The following SH3BP1 variants were observed in gnomAD, a reference collection of about 807,000 sequenced individuals.
The protein encoded by SH3BP1 is SH3 domain binding protein 1.
In SH3BP1, 46 loss-of-function variants were observed where a neutral mutation model predicts 69.8. The observed-to-expected ratio is 0.66, with a 90% confidence interval of 0.52 to 0.84. The LOEUF (loss-of-function observed/expected upper bound fraction) is 0.84. SH3BP1 is among the 40% of genes least tolerant of loss of function. The pLI is 0.00. For missense variants in SH3BP1, 868 were observed against 930.9 expected, an observed-to-expected ratio of 0.93 and a Z score of 0.88; for synonymous variants, 403 against 378.0, an observed-to-expected ratio of 1.07 and a Z score of -0.77.
At chr22:37,644,776 C>T in intron 8 of SH3BP1, 71 bp downstream of exon 8, 1 of 1,604,356 alleles carries the variant, frequency 6.2e-7, no homozygotes, top group East Asian at 2.2e-5. Flanking sequence ...GCCACTGGGG[C>T]TCTAAGATGG....
At chr22:37,641,266 G>C in intron 2 of SH3BP1, 98 bp downstream of exon 2, 1 of 1,514,100 alleles carries the variant, frequency 6.6e-7, no homozygotes, top group Non-Finnish European at 9.0e-7. Flanking sequence ...CCTGGGTTGA[G>C]TCATTCCTCA....
At position 37,650,740 on chromosome 22, in the gene SH3BP1, G is replaced by C. The variant is rs373222502; in HGVS notation, c.1598+15G>C. 6.3e-7 allele frequency: 1 copy of C among 1,587,300 alleles called. No homozygotes were observed. The highest frequency in any genetic ancestry group is 1.8e-5 in the Admixed American group (1 of 57,076). Reference sequence around the variant, plus strand: ...ACCAAGGAAAGGTGAGGACTGAGGGGCTTGAATGGCTCCTGTGGTACTCCC... The same window carrying C: ...ACCAAGGAAAGGTGAGGACTGAGGGCCTTGAATGGCTCCTGTGGTACTCCC... On this transcript the variant is annotated intron_variant, in intron 16 of 17. Coordinates refer to ENST00000649765, the MANE Select transcript of SH3BP1 (RefSeq NM_018957.6).
In SH3BP1 at chr22:37,655,470, C is replaced by G; in HGVS notation, c.1892C>G (p.Ala631Gly). 1.5e-6 allele frequency: 2 copies of G among 1,374,482 alleles called. No individual in the cohort carries two copies. Among genetic ancestry groups the G allele is most frequent in the South Asian group, 1.3e-5 (1 of 75,628 alleles). 85.1% of individuals were successfully genotyped at this position (1,374,482 alleles called of 1,614,324 possible). ...PPLPPTPPQP[A>G]RRQSRRSPAS... The stretch of plus-strand genomic sequence containing the variant: ...TTACCCCCCACACCCCCTCAGCCTG[C>G]CCGGCGCCAAAGCCGGCGTTCACCA... The change falls in exon 18 of 18, where the codon GCC becomes GGC. Residue 631 changes from alanine to glycine, a missense_variant. Transcript: ENST00000649765.
At chr22:37,647,173 C>A in intron 11 of SH3BP1, 94 bp from the exon 12 acceptor site, 1 of 1,109,714 alleles carries the variant, frequency 9.0e-7, no homozygotes. Context: ...GACCTAGACA[C>A]GTTAGTGTGA....
At position 37,655,282 on chromosome 22, in the gene SH3BP1, G is replaced by C; in HGVS notation, c.1704G>C (p.Pro568=). ...VEDMARRTKR[P]APARPTMPPP... is the part of the protein sequence containing the mutation. The stretch of plus-strand genomic sequence containing the variant: ...TTCCTTCCTCAACAGCCAAGCGCCC[G>C]GCGCCAGCCCGGCCCACCATGCCGC... The change falls in exon 18 of 18, where the codon CCG becomes CCC. Residue 568 remains proline (P), a synonymous_variant. Coordinates refer to ENST00000649765, the MANE Select transcript of SH3BP1 (RefSeq NM_018957.6). 1 of 1,581,432 alleles carries C rather than the reference G, an allele frequency of 6.3e-7. No individual in the cohort carries two copies. The highest frequency in any genetic ancestry group is 8.6e-7 in the Non-Finnish European group (1 of 1,166,432).
intron 4 of SH3BP1, 73 bp from the exon 5 acceptor site, chr22:37,642,822 G>A: frequency 6.3e-7 from 1 of 1,590,850 alleles, no homozygotes; most frequent in Non-Finnish European, 8.6e-7. Flanking sequence ...TGAGGGAGGA[G>A]AGGCCCCACC....
chr22:37,641,102 C>G lies in SH3BP1; in HGVS notation c.60-24C>G, dbSNP rs773038001. ...GCAGGCTCAGCAGAAGCACTCTCCC[C>G]CCCCCCCCCACCACTCCCCGCAGCA... On this transcript the variant is annotated intron_variant, in intron 1 of 17. Transcript: ENST00000649765. 37 of 1,227,164 alleles carry G rather than the reference C, an allele frequency of 3.0e-5. 3 individuals carry two copies. The Admixed American group carries it at 3.5e-4, about 12-fold the overall frequency. The allele number at this position is 1,227,164 out of a possible 1,614,324, so 76.0% of individuals were successfully genotyped here.
At chr22:37,640,018 G>A (rs1456331064) in intron 1 of SH3BP1, among the ~76,000 whole-genome samples, 172 bp downstream of exon 1, 1 of 152,232 alleles carries the variant, frequency 6.6e-6, no homozygotes, top group African/African-American at 2.4e-5. Flanking sequence ...CCCGTCTCTC[G>A]GGCAGAGCTG....
In SH3BP1 at chr22:37,655,404, T is replaced by C; in HGVS notation, c.1826T>C (p.Leu609Pro). 2.5e-6 allele frequency: 3 copies of C among 1,207,530 alleles called. No individual in the cohort carries two copies. The highest frequency in any genetic ancestry group is 2.2e-6 in the Non-Finnish European group (2 of 926,810). 74.8% of individuals were successfully genotyped at this position (1,207,530 alleles called of 1,614,324 possible). ...PGTPQALPRR[L>P]VGSSLRAPTV... ...ACCCCCCAAGCCCTGCCCCGACGTC[T>C]GGTTGGCAGCAGCCTCCGAGCCCCC... Residue 609 changes from leucine to proline, a missense_variant, in exon 18 of 18, where the codon CTG (leucine) becomes CCG (proline). Around this residue, in one of 3 missense-constraint regions of SH3BP1, gnomAD observed 474 missense variants for 462.3 expected, o/e 1.03. Transcript: ENST00000649765.
intron 16 of SH3BP1, 126 bp downstream of exon 16, chr22:37,650,851 C>G (rs1932866315): frequency 1.6e-6 from 2 of 1,273,642 alleles, no homozygotes; most frequent in African/African-American, 1.5e-5. Flanking sequence ...ATCCCAAAGA[C>G]CGGATCTCCT....
chr22:37,642,997 G>T lies in SH3BP1; in HGVS notation c.387G>T (p.Arg129Ser). ...LERDVLQPLS[R>S]LSEEELPAIL... ...GGGACGTCCTGCAGCCACTCAGCAG[G>T]CTGAGTGAGGTGAGCCTGTGCCCTG... Residue 129 changes from arginine (R) to serine (S), a missense_variant, in exon 5 of 18, where the codon AGG (arginine) becomes AGT (serine). By Grantham distance (110) the Arg-to-Ser change is moderately radical. Around this residue, in one of 3 missense-constraint regions of SH3BP1, gnomAD observed 387 missense variants for 447.9 expected, o/e 0.86. Transcript: ENST00000649765. 1 of 1,612,972 alleles carries T rather than the reference G, an allele frequency of 6.2e-7. No individual in the cohort carries two copies. Among genetic ancestry groups the T allele is most frequent in the South Asian group, 1.1e-5 (1 of 91,082 alleles).
rs745675778 is a variant in SH3BP1, at chr22:37,645,346, ATC to A, written c.779-17_779-16del. Reference sequence around the variant, plus strand: ...GGGGTGGGAAGGCCCTGGGCCGCTGATCTGTTTCATCCCTGCAGACCACTCCC... The same window carrying A: ...GGGGTGGGAAGGCCCTGGGCCGCTGATGTTTCATCCCTGCAGACCACTCCC... On this transcript the variant is annotated splice_polypyrimidine_tract_variant and intron_variant, in intron 9 of 17. Coordinates refer to ENST00000649765, the MANE Select transcript of SH3BP1 (RefSeq NM_018957.6). 12 of 1,592,524 alleles carry A rather than the reference ATC, an allele frequency of 7.5e-6. No individual in the cohort carries two copies. The Admixed American group carries it at 1.9e-4, about 25-fold the overall frequency.
rs553190147 is a variant in SH3BP1, at chr22:37,644,353, C to T, written c.619-284C>T. Among the ~76,000 whole-genome samples the T allele has an allele frequency of 1.4e-4, 21 of 152,282 alleles. No individual in the cohort carries two copies. In the East Asian group the frequency reaches 1.9e-3, roughly 14 times the overall value. ...AAGATTGCACCACTGCACTCCAGCC[C>T]GGGCAACAGTGTGAGACTCCGTCTC... On this transcript the variant is annotated intron_variant, in intron 7 of 17. Coordinates refer to ENST00000649765, the MANE Select transcript of SH3BP1 (RefSeq NM_018957.6).
intron 17 of SH3BP1, 76 bp from the exon 18 acceptor site, chr22:37,655,196 G>A: frequency 2.8e-6 from 3 of 1,072,114 alleles, no homozygotes; most frequent in East Asian, 2.7e-5. Flanking sequence ...AAGGTTGTGA[G>A]GGGGCACGGA....
At chr22:37,654,831 C>T (rs1241473110) in intron 17 of SH3BP1, among the ~76,000 whole-genome samples, 2 of 151,756 alleles carry the variant, frequency 1.3e-5, no homozygotes, top group Non-Finnish European at 2.9e-5. Context: ...CAAGATAGGC[C>T]GGGGACAGTG....
rs770132756 is a variant in SH3BP1, at chr22:37,655,940, A to T, written c.*256A>T. The T allele has an allele frequency of 3.1e-5, 48 of 1,562,080 alleles. No individual in the cohort carries two copies. The highest frequency in any genetic ancestry group is 2.0e-4 in the Middle Eastern group (1 of 5,112). On this transcript the variant is annotated 3_prime_UTR_variant, in exon 18 of 18. Coordinates refer to ENST00000649765, the MANE Select transcript of SH3BP1 (RefSeq NM_018957.6). ...CTCTCCGGCAGGTCCTAGGGGAGCC[A>T]CCGGAAGGAAGGAGAGGTTTGCCTG...
chr22:37,655,086 G>A (rs565797314), intron 17 of SH3BP1, among the ~76,000 whole-genome samples, 186 bp from the exon 18 acceptor site: 8 of 152,304 alleles, frequency 5.3e-5, no homozygotes, highest in South Asian at 2.1e-4. Context: ...TAGGGTGCTC[G>A]GGGAGGGCCT....
intron 17 of SH3BP1, among the ~76,000 whole-genome samples, chr22:37,654,347 G>T (rs1169577515): frequency 6.6e-6 from 1 of 152,062 alleles, no homozygotes; most frequent in Non-Finnish European, 1.5e-5. Flanking sequence ...GAGGCGGGTG[G>T]ATCACTTGAG....
At chr22:37,643,492 T>C in intron 6 of SH3BP1, 152 bp from the exon 7 acceptor site, 2 of 1,111,256 alleles carry the variant, frequency 1.8e-6, no homozygotes, top group Non-Finnish European at 2.6e-6. Flanking sequence ...AGAGCACTCA[T>C]GGCCCAGCCT....
Sources: allele counts gnomAD v4.1 joint callset (sites outside exome capture counted in the v4.1 genomes callset), GRCh38; gene constraint gnomAD v4.1.1; regional missense constraint gnomAD v4.1.1; transcripts MANE v1.5; gene names NCBI Gene and HGNC (gene_info 2026-07-23, HGNC 2026-07-21).